DEF6: variants seen among roughly 807,000 people sequenced by gnomAD.
DEF6 encodes differentially expressed in FDCP 6 homolog.
In DEF6, 32 loss-of-function variants were observed where a neutral mutation model predicts 80.5. The observed-to-expected ratio is 0.40, with a 90% CI of 0.30 to 0.53. The LOEUF (loss-of-function observed/expected upper bound fraction) is 0.53. DEF6 is among the 20% of genes least tolerant of loss of function. DEF6 has a pLI of 0.57. For missense variants in DEF6, 575 were observed against 818.7 expected, an observed-to-expected ratio of 0.70 and a Z score of 3.63; for synonymous variants, 300 against 337.9, an observed-to-expected ratio of 0.89 and a Z score of 1.23.
At chr6:35,305,405 G>T (rs1404929796) in intron 1 of DEF6, among the ~76,000 whole-genome samples, 3 of 152,060 alleles carry the variant, frequency 2.0e-5, no homozygotes, top group Non-Finnish European at 4.4e-5. Context: ...TGGGAGGATC[G>T]CTTGAGCCTG....
intron 1 of DEF6, among the ~76,000 whole-genome samples, chr6:35,308,404 G>A (rs1040773503): frequency 6.6e-5 from 10 of 151,940 alleles, no homozygotes; most frequent in African/African-American, 2.4e-4. Flanking sequence ...CGGGCATGGT[G>A]CCTCAGGCCT....
Position 35,310,579 on chromosome 6 carries a change from C to T in DEF6, c.358C>T (p.Arg120Cys), listed in dbSNP as rs1377306273. The T allele has an allele frequency of 1.3e-5, 21 of 1,614,050 alleles. No individual in the cohort carries two copies. The highest frequency in any genetic ancestry group is 1.5e-5 in the Non-Finnish European group (18 of 1,180,040). ...TATGCTCTCCAATCAGGATGCCTTC[C>T]GCCTCTGGTGCCTCTTCAACTTCCT... The part of the protein sequence containing the change: ...NSMLSNQDAF[R>C]LWCLFNFLSE... The change falls in exon 3 of 11, where the codon CGC (arginine) becomes TGC (cysteine). Residue 120 changes from arginine to cysteine, a missense_variant. Transcript: ENST00000316637.
chr6:35,301,727 C>CT (rs71538302), intron 1 of DEF6, among the ~76,000 whole-genome samples: 14,258 of 131,598 alleles, frequency 0.11, 1,420 homozygotes, highest in East Asian at 0.31. Context: ...GGAGCTGTGT[C>CT]TTTTTTTTTT....
chr6:35,320,384 T>C (rs1791576251), intron 9 of DEF6, among the ~76,000 whole-genome samples: 1 of 152,126 alleles, frequency 6.6e-6, no homozygotes, highest in South Asian at 2.1e-4. Context: ...CTCCATAAAT[T>C]CAAACACAGA....
Position 35,306,383 on chromosome 6 carries a change from C to T in DEF6, c.97-3287C>T, listed in dbSNP as rs539922996. 9.2e-5 allele frequency among the ~76,000 whole-genome samples: 14 copies of T among 151,698 alleles called. 1 individual carries two copies. The South Asian group carries it at 2.5e-3, about 27-fold the overall frequency. ...AAAATTAGCCAGGCATGGTGGCGGGCGCCTGTAATCTCAGCTCTTCGGGAA... is the reference window on the plus strand; with the variant it reads ...AAAATTAGCCAGGCATGGTGGCGGGTGCCTGTAATCTCAGCTCTTCGGGAA... On this transcript the variant is annotated intron_variant, in intron 1 of 10. Coordinates refer to ENST00000316637, the MANE Select transcript of DEF6 (RefSeq NM_022047.4).
At chr6:35,306,356 CA>C (rs1025307467) in intron 1 of DEF6, among the ~76,000 whole-genome samples, 64 of 151,614 alleles carry the variant, frequency 4.2e-4, no homozygotes, top group Non-Finnish European at 8.0e-4. Flanking sequence ...ACTAAAAATA[CA>C]AAAATTAGCC....
At chr6:35,298,018 G>T in intron 1 of DEF6, 66 bp downstream of exon 1, 1 of 1,387,586 alleles carries the variant, frequency 7.2e-7, no homozygotes. Flanking sequence ...CCGCCTGGGA[G>T]CCAGGTGTGG....
intron 1 of DEF6, among the ~76,000 whole-genome samples, chr6:35,308,406 C>T (rs1015492495): frequency 6.6e-6 from 1 of 151,826 alleles, no homozygotes; most frequent in South Asian, 2.1e-4. Context: ...GGCATGGTGC[C>T]TCAGGCCTGT....
chr6:35,304,178 G>A (rs1791362078), intron 1 of DEF6, among the ~76,000 whole-genome samples: 2 of 152,164 alleles, frequency 1.3e-5, no homozygotes, highest in South Asian at 2.1e-4. Context: ...AAAATTAGCC[G>A]GGTGTGATGG....
intron 2 of DEF6, 139 bp from the exon 3 acceptor site, chr6:35,310,320 C>T: frequency 1.2e-6 from 1 of 833,498 alleles, no homozygotes; most frequent in Non-Finnish European, 1.9e-6. Flanking sequence ...GTAATCAGCT[C>T]AGGGATCCCT....
chr6:35,315,312 T>G (rs1791512250), intron 5 of DEF6, among the ~76,000 whole-genome samples: 1 of 152,184 alleles, frequency 6.6e-6, no homozygotes, highest in Non-Finnish European at 1.5e-5. Context: ...TGCTTCAGCC[T>G]CCTGAATAGC....
chr6:35,315,049 C>G (rs1393139848), intron 5 of DEF6, among the ~76,000 whole-genome samples: 1 of 152,132 alleles, frequency 6.6e-6, no homozygotes, highest in Non-Finnish European at 1.5e-5. Context: ...TTGTGTGTTC[C>G]TGGAGCCTTT....
chr6:35,311,882 G>A (rs1346317632), intron 3 of DEF6, among the ~76,000 whole-genome samples: 2 of 152,198 alleles, frequency 1.3e-5, no homozygotes, highest in African/African-American at 4.8e-5. Flanking sequence ...TCGGGTTCTG[G>A]CTGCCCCCAG....
At chr6:35,315,873 G>T (rs1408707330) in intron 5 of DEF6, among the ~76,000 whole-genome samples, 20 of 119,040 alleles carry the variant, frequency 1.7e-4, no homozygotes, top group East Asian at 1.1e-3. Flanking sequence ...TTTTTTTGAG[G>T]AGGAGGAGGA....
At chr6:35,308,021 C>G (rs899364278) in intron 1 of DEF6, among the ~76,000 whole-genome samples, 2 of 152,158 alleles carry the variant, frequency 1.3e-5, no homozygotes, top group African/African-American at 4.8e-5. Context: ...TAAAGATGAA[C>G]AGAGACCTTG....
Position 35,315,197 on chromosome 6 carries a change from G to C in DEF6, c.807+2425G>C, listed in dbSNP as rs74390802. Among the ~76,000 whole-genome samples, 114 of 152,118 alleles carry C rather than the reference G, an allele frequency of 7.5e-4. 1 individual carries two copies. The East Asian group carries it at 0.013, about 17-fold the overall frequency. Reference sequence around the variant, plus strand: ...GCTTTGTACTACATTTTGTTTTTTTGTTTTATTTTAGAGACAGGATTTTTC... The same window carrying C: ...GCTTTGTACTACATTTTGTTTTTTTCTTTTATTTTAGAGACAGGATTTTTC... On this transcript the variant is annotated intron_variant, in intron 5 of 10. Transcript: ENST00000316637.
chr6:35,312,841 G>C lies in DEF6; in HGVS notation c.807+69G>C. 6.5e-7 allele frequency: 1 copy of C among 1,531,222 alleles called. No individual in the cohort carries two copies. Among genetic ancestry groups the C allele is most frequent in the Non-Finnish European group, 8.9e-7 (1 of 1,127,708 alleles). The allele number at this position is 1,531,222 out of a possible 1,614,324, so 94.9% of individuals were successfully genotyped here. The stretch of plus-strand genomic sequence containing the variant: ...TGTCCTCAGGGGCATGAGAAGACAA[G>C]GGGGTCAGGAGAGGGGCAAATGGAG... On this transcript the variant is annotated intron_variant, in intron 5 of 10. Coordinates refer to ENST00000316637, the MANE Select transcript of DEF6 (RefSeq NM_022047.4). This position sits in a 1 kb window ranked among gnomAD's most constrained non-coding sequence, Gnocchi z 6.6.
At chr6:35,299,000 A>G (rs994245736) in intron 1 of DEF6, among the ~76,000 whole-genome samples, 5 of 152,130 alleles carry the variant, frequency 3.3e-5, no homozygotes, top group African/African-American at 9.7e-5. Flanking sequence ...CTGAGAGATG[A>G]ATGGGACAGA....
At chr6:35,300,970 T>C (rs1365299635) in intron 1 of DEF6, among the ~76,000 whole-genome samples, 1 of 152,116 alleles carries the variant, frequency 6.6e-6, no homozygotes, top group African/African-American at 2.4e-5. Context: ...TGGAGCAGTG[T>C]GTCTCTGGTT....
Sources: gnomAD v4.1 joint callset for allele counts (sites outside exome capture counted in the v4.1 genomes callset) on GRCh38, gnomAD v4.1.1 for gene constraint, Gnocchi (gnomAD v3.1) non-coding constraint, MANE v1.5 for transcripts, NCBI Gene and HGNC (gene_info 2026-07-23, HGNC 2026-07-21) for gene names.